Variants in HECTD4 observed in about 807,000 individuals in gnomAD.
The protein encoded by HECTD4 is HECT domain E3 ubiquitin protein ligase 4.
A neutral mutation model predicts 471.5 loss-of-function variants in HECTD4; 114 were observed. The ratio of observed to expected loss-of-function variants is 0.24; its 90% confidence interval spans 0.21 to 0.28. The LOEUF is 0.28. Among genes scored for constraint, HECTD4 ranks in the 10% least tolerant of loss-of-function variants. The probability of loss-of-function intolerance (pLI) is 1.00; values close to 1 mark genes in which losing one functional copy is unlikely to be tolerated. For synonymous variants in HECTD4, 2,012 were observed against 2,256.0 expected, an observed-to-expected ratio of 0.89 and a Z score of 3.07; for missense variants, 3,866 against 5,651.5, an observed-to-expected ratio of 0.68 and a Z score of 10.13.
intron 18 of HECTD4, among the ~76,000 whole-genome samples, chr12:112,260,196 C>T (rs1253911301): frequency 6.6e-6 from 1 of 152,102 alleles, no homozygotes; most frequent in East Asian, 1.9e-4. Flanking sequence ...TCTAAGTAGG[C>T]AAATTTTTAA....
intron 62 of HECTD4, among the ~76,000 whole-genome samples, chr12:112,182,293 C>T (rs2031704811): frequency 6.6e-6 from 1 of 150,654 alleles, no homozygotes; most frequent in South Asian, 2.1e-4. Flanking sequence ...TAGGAAGACC[C>T]TCTCTGTACA....
At chr12:112,356,997 G>T (rs2036353097) in intron 1 of HECTD4, among the ~76,000 whole-genome samples, 1 of 152,136 alleles carries the variant, frequency 6.6e-6, no homozygotes, top group Admixed American at 6.6e-5. Flanking sequence ...CATACTTTGA[G>T]AGGCATTGTT....
rs773091429 is a variant in HECTD4 at position 112,229,743 on chromosome 12, T to G, written c.6474A>C (p.Ala2158=). The G allele has an allele frequency of 3.7e-6, 6 of 1,613,934 alleles. No individual in the cohort carries two copies. The highest frequency in any genetic ancestry group is 3.4e-6 in the Non-Finnish European group (4 of 1,179,892). ...IARQAVAALC[A]LGGFKETIKI... Reference sequence around the variant, plus strand: ...TGATTGTCTCTTTGAAGCCTCCAAGTGCACACAGTGCGGCAACGGCCTGGC... The same window carrying G: ...TGATTGTCTCTTTGAAGCCTCCAAGGGCACACAGTGCGGCAACGGCCTGGC... Residue 2158 remains alanine (A), a synonymous_variant, in exon 41 of 76, where the codon GCA becomes GCC. Coordinates refer to ENST00000682272, the MANE Select transcript of HECTD4 (RefSeq NM_001388303.1).
At chr12:112,233,214 CTTTTTTT>C (rs546999938) in intron 37 of HECTD4, 129 bp from the exon 38 acceptor site, 367 of 235,560 alleles carry the variant, frequency 1.6e-3, no homozygotes, top group Middle Eastern at 4.6e-3. Context: ...CTAACATTAG[CTTTTTTT>C]TTTTTTTTTT....
chr12:112,267,126 G>A lies in HECTD4; in HGVS notation c.2322-144C>T, dbSNP rs2034295313. 5 of 606,154 alleles carry A rather than the reference G, an allele frequency of 8.2e-6. No homozygotes were observed. In the South Asian group the frequency reaches 1.0e-4, roughly 13 times the overall value. 37.5% of individuals were successfully genotyped at this position (606,154 alleles called of 1,614,324 possible). On this transcript the variant is annotated intron_variant, in intron 13 of 75. Coordinates refer to ENST00000682272, the MANE Select transcript of HECTD4 (RefSeq NM_001388303.1). ...ACATCTGTCACCCCATTGATCGCTG[G>A]GGTTGATTCGGCTGATCTGGCTGGC...
intron 70 of HECTD4, among the ~76,000 whole-genome samples, chr12:112,168,855 C>A (rs978610163): frequency 1.2e-4 from 18 of 152,204 alleles, no homozygotes; most frequent in Non-Finnish European, 2.9e-5. Context: ...GTCAGTGAAC[C>A]AGAGTTGCTC....
At chr12:112,338,949 C>G (rs1446603274) in intron 1 of HECTD4, among the ~76,000 whole-genome samples, 1 of 152,120 alleles carries the variant, frequency 6.6e-6, no homozygotes, top group Non-Finnish European at 1.5e-5. Flanking sequence ...TCCCATCAGG[C>G]CCAACCCCCA....
At position 112,235,470 on chromosome 12, in the gene HECTD4, T is replaced by C; in HGVS notation, c.5725+34A>G. The C allele has an allele frequency of 6.4e-7, 1 of 1,571,508 alleles. No individual in the cohort carries two copies. Among genetic ancestry groups the C allele is most frequent in the Non-Finnish European group, 8.6e-7 (1 of 1,159,080 alleles). On this transcript the variant is annotated intron_variant, in intron 36 of 75. Transcript: ENST00000682272. The surrounding 1 kb of genome is among the most constrained non-coding windows in gnomAD (Gnocchi z 5.0). ...CTGACTGGGCACAGGAATGCTGCAC[T>C]GCCATGCTACTCTCCTGTTGAGGAG...
intron 55 of HECTD4, 58 bp downstream of exon 55, chr12:112,200,580 T>C (rs2032391866): frequency 6.5e-7 from 1 of 1,549,690 alleles, no homozygotes; most frequent in Middle Eastern, 1.9e-4. Flanking sequence ...ATGGTACATG[T>C]GGTAGAGCGA....
intron 54 of HECTD4, 92 bp downstream of exon 54, chr12:112,203,544 G>T: frequency 9.4e-7 from 1 of 1,067,604 alleles, no homozygotes; most frequent in Non-Finnish European, 1.3e-6. Context: ...AAACTCATCT[G>T]TATAATCACT....
intron 38 of HECTD4, 134 bp downstream of exon 38, chr12:112,232,870 G>T: frequency 1.4e-6 from 1 of 718,004 alleles, no homozygotes; most frequent in Non-Finnish European, 2.3e-6. Flanking sequence ...TTAAGGCACT[G>T]ACTTCAATTT....
chr12:112,256,111 ATTGTTC>A (rs2034003280), intron 21 of HECTD4, among the ~76,000 whole-genome samples: 1 of 152,170 alleles, frequency 6.6e-6, no homozygotes, highest in Non-Finnish European at 1.5e-5. Flanking sequence ...TCATTAAAAC[ATTGTTC>A]TTAGACTGCA....
chr12:112,269,031 T>C (rs1424274402), intron 13 of HECTD4, among the ~76,000 whole-genome samples: 3 of 150,862 alleles, frequency 2.0e-5, no homozygotes, highest in Non-Finnish European at 4.4e-5. Context: ...CGCGCCACCA[T>C]GCCCGGCTAA....
At chr12:112,224,969 AG>A (rs2033194298) in intron 44 of HECTD4, among the ~76,000 whole-genome samples, 1 of 152,210 alleles carries the variant, frequency 6.6e-6, no homozygotes, top group South Asian at 2.1e-4. Flanking sequence ...AAAAAGTCAG[AG>A]GCAGTGAACT....
Position 112,212,512 on chromosome 12 carries a change from C to A in HECTD4, c.7604G>T (p.Trp2535Leu). 6.2e-7 allele frequency: 1 copy of A among 1,613,560 alleles called. No individual in the cohort carries two copies. The highest frequency in any genetic ancestry group is 8.5e-7 in the Non-Finnish European group (1 of 1,179,620). The change falls in exon 49 of 76, where the codon TGG becomes TTG. Residue 2535 changes from tryptophan to leucine, a missense_variant. Physicochemically the swap from Trp to Leu is moderately conservative, Grantham distance 61. Transcript: ENST00000682272. ...CTTTTTCTGAATGTGAACCACTGGC[C>A]ACATGCCACCAGAGACGTCTTCAAG... ...PYLEDVSGGM[W>L]PVVHIQKKNT...
chr12:112,203,853 C>T, intron 53 of HECTD4, 81 bp from the exon 54 acceptor site: 1 of 736,924 alleles, frequency 1.4e-6, no homozygotes, highest in South Asian at 2.8e-5. Context: ...TAAAATAGCT[C>T]TCCAGATAAA....
intron 49 of HECTD4, 62 bp from the exon 50 acceptor site, chr12:112,210,314 G>C: frequency 1.3e-6 from 2 of 1,539,938 alleles, no homozygotes; most frequent in Non-Finnish European, 9.0e-7. Context: ...TTCTGCAAGA[G>C]CCCAAGGCGC....
intron 1 of HECTD4, among the ~76,000 whole-genome samples, chr12:112,373,663 G>A (rs570834988): frequency 2.0e-5 from 3 of 152,254 alleles, no homozygotes; most frequent in Non-Finnish European, 4.4e-5. Context: ...CGCTGTTGTC[G>A]TGGGAGTGGT....
intron 40 of HECTD4, among the ~76,000 whole-genome samples, chr12:112,230,302 C>T (rs765847055): frequency 6.6e-6 from 1 of 152,200 alleles, no homozygotes; most frequent in African/African-American, 2.4e-5. Context: ...GAATCACTTA[C>T]TGACAGGGCA....
Sources: gnomAD v4.1 joint callset for allele counts (sites outside exome capture counted in the v4.1 genomes callset) on GRCh38, gnomAD v4.1.1 for gene constraint, Gnocchi (gnomAD v3.1) non-coding constraint, MANE v1.5 for transcripts, NCBI Gene and HGNC (gene_info 2026-07-23, HGNC 2026-07-21) for gene names.